SYT1: variants seen among roughly 807,000 people sequenced by gnomAD.
The protein encoded by SYT1 is synaptotagmin-1.
A neutral mutation model predicts 44.8 loss-of-function variants in SYT1; 8 were observed. The ratio of observed to expected loss-of-function variants is 0.18; its 90% CI spans 0.10 to 0.32. The LOEUF (loss-of-function observed/expected upper bound fraction) is 0.32. Among genes scored for constraint, SYT1 ranks in the 10% least tolerant of loss-of-function variants. SYT1 has a pLI of 1.00. For missense variants in SYT1, 286 were observed against 509.3 expected (o/e 0.56, Z 4.22); for synonymous variants, 154 against 188.8 (o/e 0.82, Z 1.51).
chr12:79,451,118 A>T lies in SYT1; in HGVS notation c.*1994A>T, dbSNP rs1002211697. On this transcript the variant is annotated 3_prime_UTR_variant, in exon 11 of 11. Coordinates refer to ENST00000261205, the MANE Select transcript of SYT1 (RefSeq NM_005639.3). ...TTGAACATGGGGTTGGCTGTTTCCC[A>T]GTAAAACTGGAATTCCTGTCGTTAC... is the stretch of plus-strand genomic sequence containing the variant. 2 of 152,260 alleles carry T rather than the reference A, an allele frequency of 1.3e-5. No individual in the cohort carries two copies. 9.4% of individuals were successfully genotyped at this position (152,260 alleles called of 1,614,324 possible). A position where few individuals can be genotyped will look rare whatever the true frequency, so the allele number is the denominator to read the frequency against.
chr12:78,996,837 A>G (rs943803082), intron 2 of SYT1, among the ~76,000 whole-genome samples: 1 of 152,318 alleles, frequency 6.6e-6, no homozygotes, highest in Middle Eastern at 3.4e-3. Context: ...TTTAAAGGAA[A>G]CTCAGAAACA....
rs530971563 is a variant in SYT1 at position 79,370,559 on chromosome 12, G to A, written c.928+16940G>A. 1.3e-3 allele frequency among the ~76,000 whole-genome samples: 194 copies of A among 152,062 alleles called. 1 individual carries two copies. Among genetic ancestry groups the A allele is most frequent in the African/African-American group, 4.4e-3 (181 of 41,490 alleles). ...GGGCGGATCACGAGGTCAGAAGATC[G>A]GGACCATCCTGGCTAAAACGGTGAA... On this transcript the variant is annotated intron_variant, in intron 9 of 10. Coordinates refer to ENST00000261205, the MANE Select transcript of SYT1 (RefSeq NM_005639.3).
At chr12:79,121,882 T>G (rs1868267690) in intron 3 of SYT1, among the ~76,000 whole-genome samples, 1 of 152,220 alleles carries the variant, frequency 6.6e-6, no homozygotes, top group Non-Finnish European at 1.5e-5. Context: ...TGTAATTCAA[T>G]TTGACTAGTG....
rs184573811 is a variant in SYT1 at position 79,377,315 on chromosome 12, T to G, written c.928+23696T>G. On this transcript the variant is annotated intron_variant, in intron 9 of 10. Coordinates refer to ENST00000261205, the MANE Select transcript of SYT1 (RefSeq NM_005639.3). Reference sequence around the variant, plus strand: ...TTCAGTAGAGACGAGGTTTCACCGTTTTAGCCAGGATGGTCTCGATCTCCT... The same window carrying G: ...TTCAGTAGAGACGAGGTTTCACCGTGTTAGCCAGGATGGTCTCGATCTCCT... Among the ~76,000 whole-genome samples the G allele has an allele frequency of 4.3e-3, 653 of 152,212 alleles. 3 individuals are homozygous for G. The highest frequency in any genetic ancestry group is 0.014 in the African/African-American group (583 of 41,556).
chr12:79,233,110 G>A (rs546367961), intron 4 of SYT1, among the ~76,000 whole-genome samples: 11 of 150,820 alleles, frequency 7.3e-5, no homozygotes, highest in Non-Finnish European at 1.2e-4. Context: ...TACCTGTCTC[G>A]TGGCAGCCCC....
At chr12:79,038,160 T>C (rs527826701) in intron 2 of SYT1, among the ~76,000 whole-genome samples, 1 of 147,670 alleles carries the variant, frequency 6.8e-6, no homozygotes, top group Non-Finnish European at 1.5e-5. Flanking sequence ...TCTGTGAATA[T>C]ATGAATATAT....
rs910777342 is a variant in SYT1 at position 78,910,686 on chromosome 12, A to C, written c.-217+45577A>C. ...TAGAGTAATTAGATAATTATTGCAA[A>C]AACACGCAAAGTTACAACTCTGAAA... On this transcript the variant is annotated intron_variant, in intron 1 of 10. Coordinates refer to ENST00000261205, the MANE Select transcript of SYT1 (RefSeq NM_005639.3). 2.6e-5 allele frequency among the ~76,000 whole-genome samples: 4 copies of C among 151,992 alleles called. No individual in the cohort carries two copies. The East Asian group carries it at 5.8e-4, about 22-fold the overall frequency.
intron 4 of SYT1, among the ~76,000 whole-genome samples, chr12:79,227,706 C>A (rs987436988): frequency 6.6e-6 from 1 of 152,114 alleles, no homozygotes; most frequent in Non-Finnish European, 1.5e-5. Context: ...CTATCAGTTT[C>A]CTCCTATATA....
At chr12:79,196,166 G>A (rs1873441924) in intron 3 of SYT1, among the ~76,000 whole-genome samples, 1 of 70,870 alleles carries the variant, frequency 1.4e-5, no homozygotes, top group African/African-American at 6.5e-5. Context: ...TGTTGTTGTT[G>A]TTGTTGTTGT....
chr12:79,005,380 T>G (rs999621632), intron 2 of SYT1, among the ~76,000 whole-genome samples: 1 of 152,028 alleles, frequency 6.6e-6, no homozygotes, highest in Non-Finnish European at 1.5e-5. Context: ...CAAACCTGGA[T>G]TGCAATCTCA....
At chr12:79,424,218 G>T (rs944131754) in intron 9 of SYT1, among the ~76,000 whole-genome samples, 1 of 151,998 alleles carries the variant, frequency 6.6e-6, no homozygotes, top group Non-Finnish European at 1.5e-5. Context: ...TGCCTTGAAA[G>T]CTGGTTACCG....
At chr12:79,171,770 G>A (rs1871539654) in intron 3 of SYT1, among the ~76,000 whole-genome samples, 1 of 151,892 alleles carries the variant, frequency 6.6e-6, no homozygotes, top group Non-Finnish European at 1.5e-5. Flanking sequence ...GTGTAACATG[G>A]ATGAACTAGT....
chr12:79,202,267 C>A (rs1203706328), intron 3 of SYT1, among the ~76,000 whole-genome samples: 2 of 152,068 alleles, frequency 1.3e-5, no homozygotes, highest in African/African-American at 2.4e-5. Context: ...AGTTAAAGAG[C>A]CAGAGATAAT....
At chr12:79,158,379 G>A (rs889944409) in intron 3 of SYT1, among the ~76,000 whole-genome samples, 7 of 152,050 alleles carry the variant, frequency 4.6e-5, no homozygotes, top group African/African-American at 1.7e-4. Context: ...GATCTGACAA[G>A]AGGTGGAGCT....
chr12:79,223,659 G>A (rs1292172124), intron 4 of SYT1, among the ~76,000 whole-genome samples: 4 of 152,222 alleles, frequency 2.6e-5, no homozygotes, highest in Non-Finnish European at 5.9e-5. Flanking sequence ...CTGCTGCTGA[G>A]GGTGACCTGA....
At chr12:79,149,263 G>A (rs1313228558) in intron 3 of SYT1, among the ~76,000 whole-genome samples, 1 of 151,916 alleles carries the variant, frequency 6.6e-6, no homozygotes, top group African/African-American at 2.4e-5. Context: ...TGTTTGTTTT[G>A]TATCTTTGAA....
At chr12:79,055,271 T>C (rs909413786) in intron 3 of SYT1, among the ~76,000 whole-genome samples, 2 of 152,034 alleles carry the variant, frequency 1.3e-5, no homozygotes, top group African/African-American at 4.8e-5. Context: ...TTATTAATCT[T>C]TGATTTGTAA....
chr12:79,432,622 C>CT lies in SYT1; in HGVS notation c.929-11443dup, dbSNP rs943295169. 1.2e-3 allele frequency among the ~76,000 whole-genome samples: 183 copies of CT among 152,030 alleles called. 1 individual carries two copies. The highest frequency in any genetic ancestry group is 4.2e-3 in the African/African-American group (175 of 41,476). ...TCCCTTAAAAAAATAAGTTTCTTTT[C>CT]TTTTTTTTCCAGAGGGAGTCTTGTT... On this transcript the variant is annotated intron_variant, in intron 9 of 10. Coordinates refer to ENST00000261205, the MANE Select transcript of SYT1 (RefSeq NM_005639.3).
chr12:79,229,633 G>A (rs1431116308), intron 4 of SYT1, among the ~76,000 whole-genome samples: 13 of 150,138 alleles, frequency 8.7e-5, no homozygotes, highest in East Asian at 5.8e-4. Flanking sequence ...TTGCTTTGTC[G>A]CCCAGGCTGG....
Sources: allele counts gnomAD v4.1 joint callset (sites outside exome capture counted in the v4.1 genomes callset), GRCh38; gene constraint gnomAD v4.1.1; transcripts MANE v1.5; gene names NCBI Gene and HGNC (gene_info 2026-07-23, HGNC 2026-07-21).